Variants in DAB1 observed in about 807,000 individuals in gnomAD.
The protein encoded by DAB1 is disabled homolog 1.
DAB1 carries 15 observed loss-of-function variants against 64.6 expected under a neutral mutation model. The ratio of observed to expected loss-of-function variants is 0.23; its 90% confidence interval spans 0.16 to 0.36. The LOEUF (loss-of-function observed/expected upper bound fraction) is 0.36. Ranked by LOEUF, DAB1 falls within the 10% of genes least tolerant of loss-of-function variation. DAB1 has a pLI of 1.00. For synonymous variants in DAB1, 235 were observed against 251.9 expected (o/e 0.93, Z 0.64); for missense variants, 596 against 706.7 (o/e 0.84, Z 1.78).
intron 3 of DAB1, among the ~76,000 whole-genome samples, chr1:58,433,661 G>T (rs1231805949): frequency 6.7e-6 from 1 of 148,192 alleles, no homozygotes; most frequent in African/African-American, 2.5e-5. Context: ...GTGGAGGGGG[G>T]GAGGCGGGGG....
chr1:57,161,912 A>T (rs1660796819), intron 2 of DAB1, among the ~76,000 whole-genome samples: 1 of 152,094 alleles, frequency 6.6e-6, no homozygotes, highest in African/African-American at 2.4e-5. Context: ...TGGCAGCGTA[A>T]ATTATATATG....
intron 4 of DAB1, among the ~76,000 whole-genome samples, chr1:58,167,690 G>A (rs746177601): frequency 9.9e-5 from 15 of 152,168 alleles, no homozygotes; most frequent in Non-Finnish European, 1.5e-4. Flanking sequence ...CACTCACCAC[G>A]AGGGTCTGCG....
At chr1:57,526,140 G>A (rs1022058684) in intron 7 of DAB1, among the ~76,000 whole-genome samples, 1 of 152,090 alleles carries the variant, frequency 6.6e-6, no homozygotes, top group African/African-American at 2.4e-5. Context: ...GTTTCACCAT[G>A]TTGGCCAGGC....
intron 2 of DAB1, among the ~76,000 whole-genome samples, chr1:57,279,945 GC>G (rs1671759894): frequency 1.3e-5 from 2 of 152,092 alleles, no homozygotes; most frequent in Non-Finnish European, 2.9e-5. Context: ...CAACCTAAAG[GC>G]ATTACTATTG....
chr1:57,346,310 A>C (rs907056297), intron 1 of DAB1, among the ~76,000 whole-genome samples: 1 of 152,212 alleles, frequency 6.6e-6, no homozygotes, highest in African/African-American at 2.4e-5. Flanking sequence ...CAGAGCTTAC[A>C]AGCCTTCTAC....
chr1:57,385,346 C>T (rs1027194836), intron 1 of DAB1, among the ~76,000 whole-genome samples: 5 of 152,196 alleles, frequency 3.3e-5, no homozygotes, highest in African/African-American at 1.2e-4. Context: ...ACTTCATAGG[C>T]ATATGCATGT....
At chr1:58,085,529 C>T (rs1015949730) in intron 5 of DAB1, among the ~76,000 whole-genome samples, 2 of 151,886 alleles carry the variant, frequency 1.3e-5, no homozygotes, top group Admixed American at 1.3e-4. Context: ...TCATGCCTGG[C>T]TAATTTCAAA....
At chr1:58,322,375 A>G (rs1339676549) in intron 4 of DAB1, among the ~76,000 whole-genome samples, 4 of 152,046 alleles carry the variant, frequency 2.6e-5, no homozygotes, top group African/African-American at 4.8e-5. Flanking sequence ...TCTACAAGGA[A>G]CTTAAACAAA....
intron 1 of DAB1, among the ~76,000 whole-genome samples, chr1:57,376,361 G>C (rs1158165211): frequency 6.6e-6 from 1 of 152,232 alleles, no homozygotes; most frequent in Non-Finnish European, 1.5e-5. Flanking sequence ...TCACAGTTAA[G>C]CTGGTGCTGC....
chr1:57,754,394 A>T (rs769214599), intron 6 of DAB1, among the ~76,000 whole-genome samples: 1 of 152,194 alleles, frequency 6.6e-6, no homozygotes, highest in Non-Finnish European at 1.5e-5. Flanking sequence ...AGATTAAACA[A>T]TTGAGACTCG....
At chr1:58,346,133 T>C (rs778851116) in intron 3 of DAB1, among the ~76,000 whole-genome samples, 4 of 152,240 alleles carry the variant, frequency 2.6e-5, no homozygotes, top group Non-Finnish European at 5.9e-5. Context: ...AACTGGATGA[T>C]AGATACGGCA....
chr1:58,030,279 T>A (rs1395547330), intron 5 of DAB1, among the ~76,000 whole-genome samples: 1 of 152,084 alleles, frequency 6.6e-6, no homozygotes, highest in Non-Finnish European at 1.5e-5. Context: ...GAAACAAAAA[T>A]ACTGAAAAGA....
chr1:58,474,433 C>T (rs958543257), intron 3 of DAB1, among the ~76,000 whole-genome samples: 2 of 151,942 alleles, frequency 1.3e-5, no homozygotes, highest in African/African-American at 2.4e-5. Context: ...TTGCACCAAC[C>T]TAATTGTTCC....
intron 6 of DAB1, among the ~76,000 whole-genome samples, chr1:57,742,054 T>A (rs1390716202): frequency 6.6e-6 from 1 of 152,126 alleles, no homozygotes; most frequent in Non-Finnish European, 1.5e-5. Context: ...AAATAAAAAG[T>A]AGGGTAATAA....
rs59390109 is a variant in DAB1 at position 58,091,935 on chromosome 1, AACACAC to A, written n.387+58570_387+58575del. Among the ~76,000 whole-genome samples the A allele has an allele frequency of 8.5e-5, 12 of 141,922 alleles. No homozygotes were observed. In the South Asian group the frequency reaches 1.1e-3, roughly 13 times the overall value. 93.1% of individuals were successfully genotyped at this position (141,922 alleles called of 152,430 possible). A position where few individuals can be genotyped will look rare whatever the true frequency, so the allele number is the denominator to read the frequency against. On this transcript the variant is annotated intron_variant and non_coding_transcript_variant, in intron 5 of 20. Transcript: ENST00000485760. Reference sequence around the variant, plus strand: ...AGTTAGGATGCTTTGAGCTGCATTAAACACACACACACACACACACACACACACACA... The same window carrying A: ...AGTTAGGATGCTTTGAGCTGCATTAAACACACACACACACACACACACACA...
intron 5 of DAB1, among the ~76,000 whole-genome samples, chr1:58,036,565 C>A (rs866891050): frequency 6.6e-6 from 1 of 152,200 alleles, no homozygotes; most frequent in African/African-American, 2.4e-5. Context: ...CAAATTAATA[C>A]TTTTATCATC....
At chr1:58,146,314 G>A (rs915245682) in intron 5 of DAB1, among the ~76,000 whole-genome samples, 1 of 152,124 alleles carries the variant, frequency 6.6e-6, no homozygotes, top group Non-Finnish European at 1.5e-5. Context: ...ATATCCATAT[G>A]TTCATCACCT....
intron 1 of DAB1, among the ~76,000 whole-genome samples, chr1:57,303,385 G>A (rs1673838277): frequency 6.6e-6 from 1 of 152,158 alleles, no homozygotes; most frequent in South Asian, 2.1e-4. Context: ...CCAGCTGGCT[G>A]GGCCTGGGAC....
intron 6 of DAB1, among the ~76,000 whole-genome samples, chr1:57,771,521 T>G (rs1358342436): frequency 6.6e-6 from 1 of 151,888 alleles, no homozygotes; most frequent in East Asian, 1.9e-4. Flanking sequence ...TAGAGAAGAG[T>G]AGTTATCCCA....
Sources: gnomAD v4.1 joint callset for allele counts (sites outside exome capture counted in the v4.1 genomes callset) on GRCh38, gnomAD v4.1.1 for gene constraint, MANE v1.5 for transcripts, NCBI Gene and HGNC (gene_info 2026-07-23, HGNC 2026-07-21) for gene names.